CDK8: variants seen among roughly 807,000 people sequenced by gnomAD.
CDK8 encodes the protein cyclin dependent kinase 8.
Under a neutral mutation model 71.5 loss-of-function variants are expected in CDK8, and 29 were observed. That is an observed-to-expected ratio of 0.41 (90% CI 0.30 to 0.55). The LOEUF (loss-of-function observed/expected upper bound fraction) is 0.55, where lower values mean the gene tolerates loss of function less well. CDK8 is among the 20% of genes least tolerant of loss of function. CDK8 has a pLI of 0.37. For missense variants in CDK8, 288 were observed against 572.6 expected (o/e 0.50, Z 5.07); for synonymous variants, 161 against 192.1 (o/e 0.84, Z 1.34).
At chr13:26,370,760 T>G (rs1874626367) in intron 4 of CDK8, among the ~76,000 whole-genome samples, 1 of 152,156 alleles carries the variant, frequency 6.6e-6, no homozygotes, top group Non-Finnish European at 1.5e-5. Context: ...AAACAGGAAT[T>G]AAAAGAGCCT....
chr13:26,389,959 C>T (rs960150205), intron 6 of CDK8, among the ~76,000 whole-genome samples: 2 of 152,110 alleles, frequency 1.3e-5, no homozygotes, highest in Non-Finnish European at 2.9e-5. Flanking sequence ...GATCACGCTA[C>T]TGCACTTCAG....
At chr13:26,382,538 A>T (rs928308113) in intron 4 of CDK8, among the ~76,000 whole-genome samples, 1 of 152,200 alleles carries the variant, frequency 6.6e-6, no homozygotes, top group Non-Finnish European at 1.5e-5. Flanking sequence ...TGACTTTGTG[A>T]GATGCTTGCC....
chr13:26,391,354 G>A (rs563179557), intron 6 of CDK8, among the ~76,000 whole-genome samples: 4 of 152,232 alleles, frequency 2.6e-5, no homozygotes, highest in South Asian at 4.1e-4. Context: ...CGATCCTCCC[G>A]CCTCAGCCTC....
intron 1 of CDK8, among the ~76,000 whole-genome samples, chr13:26,288,056 C>T (rs938468116): frequency 2.0e-5 from 3 of 151,504 alleles, no homozygotes; most frequent in Admixed American, 6.6e-5. Flanking sequence ...TCTCCCTCTC[C>T]GGCTCAAGCA....
chr13:26,356,291 C>A (rs1384380352), intron 4 of CDK8, among the ~76,000 whole-genome samples: 1 of 152,190 alleles, frequency 6.6e-6, no homozygotes, highest in Non-Finnish European at 1.5e-5. Flanking sequence ...AAATATTTCT[C>A]TACGGTGAGG....
chr13:26,334,697 A>G (rs896909707), intron 1 of CDK8, among the ~76,000 whole-genome samples: 4 of 152,242 alleles, frequency 2.6e-5, no homozygotes, highest in African/African-American at 9.6e-5. Flanking sequence ...ACGTTTTAGT[A>G]ATAATTTAAA....
intron 1 of CDK8, among the ~76,000 whole-genome samples, chr13:26,309,664 A>G (rs1158408297): frequency 7.2e-5 from 11 of 152,062 alleles, no homozygotes; most frequent in Admixed American, 7.2e-4. Context: ...TTTTCCCCCA[A>G]TTCTAGGCTC....
chr13:26,277,077 C>A (rs1172355548), intron 1 of CDK8, among the ~76,000 whole-genome samples: 1 of 152,142 alleles, frequency 6.6e-6, no homozygotes, highest in Admixed American at 6.5e-5. Context: ...CAGAAGAACA[C>A]ACAAACAATG....
chr13:26,344,339 C>T (rs957772841), intron 2 of CDK8, among the ~76,000 whole-genome samples: 1 of 152,174 alleles, frequency 6.6e-6, no homozygotes, highest in African/African-American at 2.4e-5. Context: ...GTGAATAGTG[C>T]TGCAATGAAC....
intron 1 of CDK8, among the ~76,000 whole-genome samples, chr13:26,335,596 C>T (rs1035553905): frequency 2.0e-5 from 3 of 152,078 alleles, no homozygotes; most frequent in African/African-American, 7.2e-5. Flanking sequence ...CTACCTGTTC[C>T]CTCAAAACTT....
intron 4 of CDK8, among the ~76,000 whole-genome samples, chr13:26,365,676 T>G (rs1196487145): frequency 6.6e-6 from 1 of 152,144 alleles, no homozygotes; most frequent in Non-Finnish European, 1.5e-5. Flanking sequence ...CATAACGTAA[T>G]TGATGTAATA....
intron 1 of CDK8, among the ~76,000 whole-genome samples, chr13:26,300,567 T>G (rs1873778433): frequency 6.6e-6 from 1 of 152,214 alleles, no homozygotes; most frequent in Non-Finnish European, 1.5e-5. Context: ...ATAATTTCTC[T>G]TTGCCTATGT....
At chr13:26,377,580 A>G (rs1047479919) in intron 4 of CDK8, among the ~76,000 whole-genome samples, 14 of 152,158 alleles carry the variant, frequency 9.2e-5, no homozygotes, top group Non-Finnish European at 1.8e-4. Context: ...CAACTTTACT[A>G]GAAGTGGGTA....
At chr13:26,273,208 C>T (rs1015678043) in intron 1 of CDK8, among the ~76,000 whole-genome samples, 4 of 152,220 alleles carry the variant, frequency 2.6e-5, no homozygotes, top group Non-Finnish European at 5.9e-5. Context: ...AATCAGTTGG[C>T]CATAAATATA....
chr13:26,362,401 G>A (rs1450186778), intron 4 of CDK8, among the ~76,000 whole-genome samples: 1 of 152,162 alleles, frequency 6.6e-6, no homozygotes, highest in Non-Finnish European at 1.5e-5. Context: ...TCTAAATCCA[G>A]ATGACCTGAG....
chr13:26,316,029 T>A (rs2137938867), intron 1 of CDK8, among the ~76,000 whole-genome samples: 1 of 152,318 alleles, frequency 6.6e-6, no homozygotes, highest in South Asian at 2.1e-4. Flanking sequence ...ATATTGGGAA[T>A]CTGTGCTCTG....
At chr13:26,374,188 G>A (rs949914594) in intron 4 of CDK8, among the ~76,000 whole-genome samples, 2 of 151,896 alleles carry the variant, frequency 1.3e-5, no homozygotes, top group Admixed American at 6.6e-5. Context: ...ACAACAGAGC[G>A]AGACTCCATC....
intron 1 of CDK8, among the ~76,000 whole-genome samples, chr13:26,258,216 G>A (rs923926835): frequency 3.3e-5 from 5 of 152,070 alleles, no homozygotes; most frequent in Admixed American, 6.6e-5. Flanking sequence ...AGGATTAGGC[G>A]CAGGTTTTTC....
intron 2 of CDK8, among the ~76,000 whole-genome samples, chr13:26,348,561 C>T (rs904362233): frequency 1.8e-4 from 28 of 151,636 alleles, no homozygotes; most frequent in Non-Finnish European, 2.4e-4. Flanking sequence ...TCTGCCCCTT[C>T]CCCCAGCCCC....
Sources: gnomAD v4.1 joint callset for allele counts (sites outside exome capture counted in the v4.1 genomes callset) on GRCh38, gnomAD v4.1.1 for gene constraint, MANE v1.5 for transcripts, NCBI Gene and HGNC (gene_info 2026-07-23, HGNC 2026-07-21) for gene names.